The following MCPH1 variants were observed in gnomAD, a reference collection of about 807,000 sequenced individuals.
MCPH1 encodes microcephalin.
MCPH1 carries 104 observed loss-of-function variants against 84.5 expected under a neutral mutation model. That is an observed-to-expected ratio of 1.23 (90% CI 1.05 to 1.45). The LOEUF (loss-of-function observed/expected upper bound fraction) is 1.45, where lower values mean the gene tolerates loss of function less well. Ranked by LOEUF, MCPH1 falls within the 40% of genes most tolerant of loss-of-function variation. MCPH1 has a pLI of 0.00. For synonymous variants in MCPH1, 514 were observed against 366.8 expected, an observed-to-expected ratio of 1.40 and a Z score of -4.58; for missense variants, 1,498 against 1,005.7, an observed-to-expected ratio of 1.49 and a Z score of -6.62.
intron 12 of MCPH1, chr8:6,617,256 TG>T (rs35452133): frequency 0.011 from 1,287 of 112,792 alleles, 19 homozygotes; most frequent in Non-Finnish European, 0.017. Context: ...GGTTTTTTGG[TG>T]GGGGGGGGGT....
intron 12 of MCPH1, among the ~76,000 whole-genome samples, chr8:6,574,889 A>C (rs560945891): frequency 2.0e-5 from 3 of 152,198 alleles, no homozygotes; most frequent in Non-Finnish European, 4.4e-5. Context: ...AGCTTTTCCC[A>C]AAGTGATGAA....
intron 9 of MCPH1, among the ~76,000 whole-genome samples, chr8:6,476,429 CAAAAA>C (rs57044817): frequency 3.1e-4 from 22 of 71,318 alleles, no homozygotes; most frequent in Non-Finnish European, 8.4e-5. Flanking sequence ...AACTCCATCT[CAAAAA>C]AAAAAAAAAA....
intron 12 of MCPH1, chr8:6,562,574 T>TTTTTAAAAAC: frequency 1.7e-6 from 1 of 583,796 alleles, no homozygotes; most frequent in African/African-American, 1.9e-5. Context: ...TTTTTTTTGG[T>TTTTTAAAAAC]TGTTAAAACC....
chr8:6,521,791 A>G (rs1373291550), intron 12 of MCPH1, among the ~76,000 whole-genome samples: 2 of 152,300 alleles, frequency 1.3e-5, no homozygotes, highest in East Asian at 1.9e-4. Flanking sequence ...GAGAGTTTCA[A>G]CTGGGCTGGA....
intron 12 of MCPH1, among the ~76,000 whole-genome samples, chr8:6,572,722 C>G (rs535765106): frequency 2.6e-5 from 4 of 152,304 alleles, no homozygotes; most frequent in Admixed American, 6.5e-5. Context: ...CTGTCTGTCT[C>G]CATAAGGAGC....
At chr8:6,519,694 T>TAG (rs1816942770) in intron 12 of MCPH1, among the ~76,000 whole-genome samples, 1 of 152,230 alleles carries the variant, frequency 6.6e-6, no homozygotes. Flanking sequence ...CAGCGGCACT[T>TAG]AGAGCCCTTG....
Position 6,444,447 on chromosome 8 carries a change from C to G in MCPH1, c.725C>G (p.Ser242Ter). The G allele has an allele frequency of 6.2e-7, 1 of 1,614,116 alleles. No individual in the cohort carries two copies. Among genetic ancestry groups the G allele is most frequent in the Non-Finnish European group, 8.5e-7 (1 of 1,180,004 alleles). ...TCTTTTGATGATCTTTGTGGAAACTCAGGATGTGGAAATCAGGAAAGGAAG... is the reference window on the plus strand; with the variant it reads ...TCTTTTGATGATCTTTGTGGAAACTGAGGATGTGGAAATCAGGAAAGGAAG... ...HSSFDDLCGN[S>*]GCGNQERKLE... is the part of the protein sequence containing the mutation. The change falls in exon 8 of 14, where the codon TCA (serine) becomes TGA (stop). Residue 242 changes from serine (S) to a stop codon, truncating the protein, a stop_gained. Coordinates refer to ENST00000344683, the MANE Select transcript of MCPH1 (RefSeq NM_024596.5). LOFTEE classifies it high-confidence loss of function.
chr8:6,477,284 A>C, intron 9 of MCPH1: 1 of 340,228 alleles, frequency 2.9e-6, no homozygotes, highest in Non-Finnish European at 5.4e-6. Flanking sequence ...TTTGAAGTGC[A>C]TGAAGACGTT....
intron 12 of MCPH1, among the ~76,000 whole-genome samples, chr8:6,544,774 G>C (rs139071651): frequency 1.3e-5 from 2 of 152,142 alleles, no homozygotes; most frequent in Admixed American, 1.3e-4. Context: ...TGCCATAAAA[G>C]AGCCTCCCTT....
intron 12 of MCPH1, among the ~76,000 whole-genome samples, chr8:6,594,627 C>T (rs887657688): frequency 5.3e-5 from 8 of 152,102 alleles, no homozygotes; most frequent in Admixed American, 4.6e-4. Flanking sequence ...GCCAACTGGC[C>T]TTTTTTCTGG....
chr8:6,576,001 A>G (rs1338364049), intron 12 of MCPH1, among the ~76,000 whole-genome samples: 1 of 151,194 alleles, frequency 6.6e-6, no homozygotes, highest in Non-Finnish European at 1.5e-5. Context: ...TGTTTAAGCA[A>G]GTTTGTGGTA....
chr8:6,461,085 G>A lies in MCPH1; in HGVS notation c.1935+5833G>A, dbSNP rs371140159. Among the ~76,000 whole-genome samples the A allele has an allele frequency of 5.9e-5, 9 of 152,024 alleles. No individual in the cohort carries two copies. In the East Asian group the frequency reaches 9.6e-4, roughly 16 times the overall value. On this transcript the variant is annotated intron_variant, in intron 9 of 13. Transcript: ENST00000344683. ...AATGATTTTTGAGATGAACACGTAGGTCAGTTTGCAAAAGACACACTAAAC... is the reference window on the plus strand; with the variant it reads ...AATGATTTTTGAGATGAACACGTAGATCAGTTTGCAAAAGACACACTAAAC...
At chr8:6,439,177 G>C in intron 6 of MCPH1, 81 bp downstream of exon 6, 1 of 1,415,418 alleles carries the variant, frequency 7.1e-7, no homozygotes, top group East Asian at 2.4e-5. Context: ...TCTTTGCCTA[G>C]ATATTTTAAT....
chr8:6,424,404 A>G (rs2129553091), intron 3 of MCPH1, among the ~76,000 whole-genome samples: 1 of 152,298 alleles, frequency 6.6e-6, no homozygotes, highest in South Asian at 2.1e-4. Flanking sequence ...AAACAGGGAC[A>G]TATTCCTGCA....
chr8:6,468,943 A>T (rs1177581076), intron 9 of MCPH1, among the ~76,000 whole-genome samples: 1 of 152,100 alleles, frequency 6.6e-6, no homozygotes. Flanking sequence ...AATCCCAGCA[A>T]TTTGGGAGGC....
rs879802259 is a variant in MCPH1, at chr8:6,628,306, T to A, written c.2452+6615T>A. 3.1e-4 allele frequency among the ~76,000 whole-genome samples: 47 copies of A among 151,690 alleles called. 1 individual carries two copies. Among genetic ancestry groups the A allele is most frequent in the Non-Finnish European group, 5.0e-4 (34 of 67,884 alleles). On this transcript the variant is annotated intron_variant, in intron 13 of 13. Coordinates refer to ENST00000344683, the MANE Select transcript of MCPH1 (RefSeq NM_024596.5). ...TAACACAGTGAAACCCCGTCTCTAT[T>A]AAAAATACAGAAAAATTAGCCGGTC...
chr8:6,468,491 A>G (rs1276799457), intron 9 of MCPH1, among the ~76,000 whole-genome samples: 2 of 152,198 alleles, frequency 1.3e-5, no homozygotes, highest in African/African-American at 4.8e-5. Context: ...TTCCACAAGG[A>G]GCAAGGAGCT....
At chr8:6,627,993 C>G (rs1586866534) in intron 13 of MCPH1, among the ~76,000 whole-genome samples, 1 of 151,956 alleles carries the variant, frequency 6.6e-6, no homozygotes, top group African/African-American at 2.4e-5. Context: ...TTGCCATTAG[C>G]TTTGGAAAGG....
chr8:6,488,056 C>T (rs1225542438), intron 11 of MCPH1, among the ~76,000 whole-genome samples: 1 of 152,146 alleles, frequency 6.6e-6, no homozygotes, highest in African/African-American at 2.4e-5. Flanking sequence ...CTGGTTTTGC[C>T]CAGACATAGA....
Sources: allele counts gnomAD v4.1 joint callset (sites outside exome capture counted in the v4.1 genomes callset), GRCh38; gene constraint gnomAD v4.1.1; transcripts MANE v1.5; gene names NCBI Gene and HGNC (gene_info 2026-07-23, HGNC 2026-07-21).